Variants in SBNO2 observed in about 807,000 individuals in gnomAD.
The protein encoded by SBNO2 is strawberry notch homolog 2, also known as protein strawberry notch homolog 2.
Under a neutral mutation model 146.3 loss-of-function variants are expected in SBNO2, and 89 were observed. The ratio of observed to expected loss-of-function variants is 0.61; its 90% CI spans 0.51 to 0.73. The LOEUF (loss-of-function observed/expected upper bound fraction) is 0.73, where lower values mean the gene tolerates loss of function less well. Ranked by LOEUF, SBNO2 falls within the 30% of genes least tolerant of loss-of-function variation. The pLI is 0.00. For missense variants in SBNO2, 2,092 were observed against 2,003.7 expected (o/e 1.04, Z -0.84); for synonymous variants, 1,147 against 892.6 (o/e 1.29, Z -5.08).
chr19:1,157,084 C>T lies in SBNO2; in HGVS notation c.-126-2682G>A, dbSNP rs992049156. ...CCGATCCCCAGGCCCTCCCGCAGCC[C>T]CCAGCCCCTAGCCCTGCCTGCAGAC... is the stretch of plus-strand genomic sequence containing the variant. On this transcript the variant is annotated intron_variant, in intron 1 of 31. Transcript: ENST00000361757. The surrounding 1 kb of genome is among the most constrained non-coding windows in gnomAD (Gnocchi z 6.8). 1.3e-5 allele frequency among the ~76,000 whole-genome samples: 2 copies of T among 152,072 alleles called. No individual in the cohort carries two copies. The highest frequency in any genetic ancestry group is 2.9e-5 in the Non-Finnish European group (2 of 67,980).
At chr19:1,119,845 G>T in intron 12 of SBNO2, 61 bp downstream of exon 12, 1 of 1,318,108 alleles carries the variant, frequency 7.6e-7, no homozygotes, top group Non-Finnish European at 1.1e-6. Context: ...CCCCTTCGCG[G>T]GGACAGCCAG....
At chr19:1,156,367 G>C (rs980137926) in intron 1 of SBNO2, among the ~76,000 whole-genome samples, 9 of 152,178 alleles carry the variant, frequency 5.9e-5, no homozygotes, top group African/African-American at 2.2e-4. Flanking sequence ...GGGAGGGGAT[G>C]GGGGCAGGAG....
intron 4 of SBNO2, among the ~76,000 whole-genome samples, chr19:1,142,113 T>TCCC (rs1390353267): frequency 0.017 from 40 of 2,316 alleles, no homozygotes; most frequent in African/African-American, 0.047. Context: ...GTGACCTCCC[T>TCCC]CATGATCAAC....
intron 2 of SBNO2, 51 bp downstream of exon 2, chr19:1,154,133 C>A (rs1401353282): frequency 3.2e-6 from 3 of 927,442 alleles, no homozygotes; most frequent in East Asian, 3.3e-5. Flanking sequence ...CGGAGCGGGG[C>A]AAGTGCCCGT....
intron 14 of SBNO2, among the ~76,000 whole-genome samples, chr19:1,117,947 G>A (rs2079853025): frequency 6.6e-6 from 1 of 152,216 alleles, no homozygotes; most frequent in Non-Finnish European, 1.5e-5. Context: ...GGCCACGGAT[G>A]CTGCTCCATA....
intron 17 of SBNO2, among the ~76,000 whole-genome samples, chr19:1,115,086 C>T (rs192323711): frequency 5.3e-5 from 8 of 152,124 alleles, no homozygotes; most frequent in East Asian, 3.9e-4. Context: ...TGCACCACCA[C>T]ACCTGGCTAA....
chr19:1,141,264 G>A (rs1248754323), intron 4 of SBNO2, among the ~76,000 whole-genome samples: 2 of 151,480 alleles, frequency 1.3e-5, no homozygotes, highest in Admixed American at 6.6e-5. Flanking sequence ...ACCCAGGCTC[G>A]AATGCAGTGG....
Position 1,112,538 on chromosome 19 carries a change from C to A in SBNO2, c.2380-1G>T. ...AGGCCTCCGAGATGATGGCCACGAG[C>A]TAGGGGGAAAGAAGGGGCCGGGACA... On this transcript the variant is annotated splice_acceptor_variant, in intron 20 of 31. Coordinates refer to ENST00000361757, the MANE Select transcript of SBNO2 (RefSeq NM_014963.3). LOFTEE classifies it high-confidence loss of function. This position sits in a 1 kb window ranked among gnomAD's most constrained non-coding sequence, Gnocchi z 5.9. The A allele has an allele frequency of 6.3e-7, 1 of 1,598,000 alleles. No homozygotes were observed. Among genetic ancestry groups the A allele is most frequent in the Non-Finnish European group, 8.5e-7 (1 of 1,176,312 alleles).
At position 1,164,201 on chromosome 19, in the gene SBNO2, G is replaced by C. The variant is rs186740241; in HGVS notation, c.-126-9799C>G. ...GCCTTCCGGAGGGGCCAAGGGGCTGGTGCCATGGGAGGGAAAGTTCCCAAG... is the reference window on the plus strand; with the variant it reads ...GCCTTCCGGAGGGGCCAAGGGGCTGCTGCCATGGGAGGGAAAGTTCCCAAG... On this transcript the variant is annotated intron_variant, in intron 1 of 31. Transcript: ENST00000361757. Among the ~76,000 whole-genome samples the C allele has an allele frequency of 3.7e-3, 569 of 152,318 alleles. 2 individuals are homozygous for C. The highest frequency in any genetic ancestry group is 0.013 in the African/African-American group (538 of 41,574).
chr19:1,137,249 G>C (rs1174310946), intron 4 of SBNO2, among the ~76,000 whole-genome samples: 2 of 55,010 alleles, frequency 3.6e-5, no homozygotes, highest in Non-Finnish European at 6.7e-5. Flanking sequence ...GGGTACAGTG[G>C]GGGGAGGCTC....
At chr19:1,127,885 T>A (rs886573988) in intron 4 of SBNO2, 120 bp from the exon 5 acceptor site, 24 of 896,812 alleles carry the variant, frequency 2.7e-5, no homozygotes, top group Middle Eastern at 5.7e-4. Context: ...CATGTGGGAA[T>A]GGGAGACACC....
At chr19:1,119,275 C>G (rs2079870333) in intron 13 of SBNO2, 111 bp from the exon 14 acceptor site, 2 of 1,324,296 alleles carry the variant, frequency 1.5e-6, no homozygotes, top group African/African-American at 3.0e-5. Context: ...AGGAGCAGAG[C>G]CCTGGCGGCC....
chr19:1,169,709 A>G (rs1407012892), intron 1 of SBNO2, among the ~76,000 whole-genome samples: 1 of 152,178 alleles, frequency 6.6e-6, no homozygotes, highest in African/African-American at 2.4e-5. Flanking sequence ...CACCGTGCTC[A>G]ACCCTGTGGT....
rs781750779 is a variant in SBNO2, at chr19:1,147,275, C to T, written c.279+34G>A. ...AGGGGCGGCCCAGACTCCACCCTGC[C>T]CCCCACGGCGCGGTGAGCTCCTGGG... On this transcript the variant is annotated intron_variant, in intron 4 of 31. Transcript: ENST00000361757. The T allele has an allele frequency of 7.7e-6, 11 of 1,423,936 alleles. No homozygotes were observed. The African/African-American group carries it at 1.3e-4, about 17-fold the overall frequency. 88.2% of individuals were successfully genotyped at this position (1,423,936 alleles called of 1,614,324 possible).
At position 1,108,054 on chromosome 19, in the gene SBNO2, G is replaced by T; in HGVS notation, c.*166C>A. On this transcript the variant is annotated 3_prime_UTR_variant, in exon 32 of 32. Transcript: ENST00000361757. ...CCCCCAGCTGTCCTGAGTGGGCCCC[G>T]CCAGGGCTGACCAGGTGGGGGCCCG... The T allele has an allele frequency of 1.4e-6, 1 of 706,254 alleles. No individual in the cohort carries two copies. The highest frequency in any genetic ancestry group is 4.3e-5 in the East Asian group (1 of 23,106). 43.7% of individuals were successfully genotyped at this position (706,254 alleles called of 1,614,324 possible). A position where few individuals can be genotyped will look rare whatever the true frequency, so the allele number is the denominator to read the frequency against.
At chr19:1,165,939 CCCCAGATCCTAGAT>C (rs2080414889) in intron 1 of SBNO2, among the ~76,000 whole-genome samples, 1 of 59,898 alleles carries the variant, frequency 1.7e-5, no homozygotes, top group Non-Finnish European at 3.2e-5. Context: ...AGACCCCAAA[CCCCAGATCCTAGAT>C]CTCAGACCCC....
rs574031623 is a variant in SBNO2, at chr19:1,140,423, T to C, written c.279+6886A>G. 1.3e-5 allele frequency among the ~76,000 whole-genome samples: 2 copies of C among 152,098 alleles called. No individual in the cohort carries two copies. Among genetic ancestry groups the C allele is most frequent in the African/African-American group, 2.4e-5 (1 of 41,488 alleles). Reference sequence around the variant, plus strand: ...GCTGAGCCATCACCCACCAGGGACATTGAGCCTGATGGCTTCGCGCCAACC... The same window carrying C: ...GCTGAGCCATCACCCACCAGGGACACTGAGCCTGATGGCTTCGCGCCAACC... On this transcript the variant is annotated intron_variant, in intron 4 of 31. Coordinates refer to ENST00000361757, the MANE Select transcript of SBNO2 (RefSeq NM_014963.3). This position sits in a 1 kb window ranked among gnomAD's most constrained non-coding sequence, Gnocchi z 4.4.
intron 1 of SBNO2, among the ~76,000 whole-genome samples, chr19:1,165,125 G>T (rs1027695844): frequency 6.6e-6 from 1 of 152,102 alleles, no homozygotes; most frequent in African/African-American, 2.4e-5. Context: ...CAACCCCTGC[G>T]CAGCAGCCCC....
chr19:1,110,398 A>G lies in SBNO2; in HGVS notation c.3028+347T>C, dbSNP rs920702713. Among the ~76,000 whole-genome samples the G allele has an allele frequency of 2.6e-5, 4 of 152,166 alleles. No individual in the cohort carries two copies. The highest frequency in any genetic ancestry group is 9.7e-5 in the African/African-American group (4 of 41,416). On this transcript the variant is annotated intron_variant, in intron 26 of 31. Transcript: ENST00000361757. The surrounding 1 kb of genome is among the most constrained non-coding windows in gnomAD (Gnocchi z 4.9). ...GTGCACCAGCCTGGGCACCTTCCAG[A>G]GACGTGCACGGTGATCCCACGAGCC... is the stretch of plus-strand genomic sequence containing the variant.
Sources: gnomAD v4.1 joint callset for allele counts (sites outside exome capture counted in the v4.1 genomes callset) on GRCh38, gnomAD v4.1.1 for gene constraint, Gnocchi (gnomAD v3.1) non-coding constraint, MANE v1.5 for transcripts, NCBI Gene and HGNC (gene_info 2026-07-23, HGNC 2026-07-21) for gene names.